The following MAST2 variants were observed in gnomAD, a reference collection of about 807,000 sequenced individuals.
MAST2 encodes microtubule associated serine/threonine kinase 2, also known as microtubule-associated serine/threonine-protein kinase 2.
MAST2 carries 70 observed loss-of-function variants against 147.4 expected under a neutral mutation model. That is an observed-to-expected ratio of 0.47 (90% CI 0.39 to 0.58). The LOEUF is 0.58. Ranked by LOEUF, MAST2 falls within the 20% of genes least tolerant of loss-of-function variation. The pLI is 0.00. For synonymous variants in MAST2, 869 were observed against 896.8 expected (o/e 0.97, Z 0.55); for missense variants, 2,080 against 2,302.3 (o/e 0.90, Z 1.98).
At chr1:45,924,395 A>G (rs1388571661) in intron 4 of MAST2, among the ~76,000 whole-genome samples, 1 of 152,164 alleles carries the variant, frequency 6.6e-6, no homozygotes, top group East Asian at 1.9e-4. Context: ...GATGAGAAAA[A>G]TGGTTCCAGT....
chr1:45,987,762 G>GTTTTTTTTTTTTTTTATTTTTTTTTTT (rs11462786), intron 5 of MAST2, among the ~76,000 whole-genome samples: 1 of 62,734 alleles, frequency 1.6e-5, no homozygotes, highest in African/African-American at 6.6e-5. Flanking sequence ...AGCATTTCTT[G>GTTTTTTTTTTTTTTTATTTTTTTTTTT]TTTTTTTTTT....
At position 46,023,057 on chromosome 1, in the gene MAST2, A is replaced by G; in HGVS notation, c.1485+86A>G. 3 of 1,374,006 alleles carry G rather than the reference A, an allele frequency of 2.2e-6. No individual in the cohort carries two copies. The highest frequency in any genetic ancestry group is 3.1e-6 in the Non-Finnish European group (3 of 967,258). 85.1% of individuals were successfully genotyped at this position (1,374,006 alleles called of 1,614,324 possible). ...TGAATTCTCTTTAAGAGAATATCTG[A>G]GGAAGGGATGGGGGAGTTGGTGACA... On this transcript the variant is annotated intron_variant, in intron 13 of 28. Coordinates refer to ENST00000361297, the MANE Select transcript of MAST2 (RefSeq NM_015112.3). This position sits in a 1 kb window ranked among gnomAD's most constrained non-coding sequence, Gnocchi z 4.9.
chr1:45,927,196 G>GATATCACA (rs1447735085), intron 4 of MAST2, among the ~76,000 whole-genome samples: 1 of 152,170 alleles, frequency 6.6e-6, no homozygotes, highest in Non-Finnish European at 1.5e-5. Context: ...AAGGCAAGTG[G>GATATCACA]AGGCAGGGCG....
At chr1:45,847,610 G>A (rs189474832) in intron 3 of MAST2, 19 of 739,122 alleles carry the variant, frequency 2.6e-5, no homozygotes, top group Non-Finnish European at 3.4e-5. Flanking sequence ...TTTAGGTATA[G>A]TGACGTCCTC....
chr1:45,885,375 G>A (rs980843636), intron 4 of MAST2, among the ~76,000 whole-genome samples: 1 of 152,094 alleles, frequency 6.6e-6, no homozygotes, highest in Non-Finnish European at 1.5e-5. Flanking sequence ...TTGAGAGAGC[G>A]TTTTTGTTAA....
intron 3 of MAST2, among the ~76,000 whole-genome samples, chr1:45,839,074 A>G (rs889835266): frequency 6.6e-6 from 1 of 150,972 alleles, no homozygotes; most frequent in African/African-American, 2.4e-5. Context: ...CCTGGGCTCC[A>G]GTGATCCTCC....
At chr1:45,911,953 G>A (rs1233836862) in intron 4 of MAST2, among the ~76,000 whole-genome samples, 1 of 150,528 alleles carries the variant, frequency 6.6e-6, no homozygotes, top group Non-Finnish European at 1.5e-5. Flanking sequence ...TAGAAACTTA[G>A]GATTCAGCCA....
chr1:45,829,594 A>G lies in MAST2; in HGVS notation c.468+13A>G. 6 of 1,605,394 alleles carry G rather than the reference A, an allele frequency of 3.7e-6. No homozygotes were observed. The South Asian group carries it at 5.6e-5, about 15-fold the overall frequency. On this transcript the variant is annotated intron_variant, in intron 3 of 28. Transcript: ENST00000361297. ...TACTGCTGGCCTGGTAAGTGTTCAT[A>G]AAGGTGGCATTTTGCTCTATGAAAA...
chr1:45,804,327 A>G (rs1339488159), intron 1 of MAST2, among the ~76,000 whole-genome samples: 2 of 152,124 alleles, frequency 1.3e-5, no homozygotes, highest in African/African-American at 4.8e-5. Flanking sequence ...GGATGGGGCG[A>G]AAGGACGCTG....
chr1:46,005,887 G>C (rs1645466590), intron 7 of MAST2, among the ~76,000 whole-genome samples: 1 of 152,158 alleles, frequency 6.6e-6, no homozygotes. Flanking sequence ...GATTGTGGAA[G>C]GGCGAACTTA....
At chr1:45,840,525 GT>G (rs1645241787) in intron 3 of MAST2, among the ~76,000 whole-genome samples, 1 of 152,080 alleles carries the variant, frequency 6.6e-6, no homozygotes, top group African/African-American at 2.4e-5. Flanking sequence ...TTAAGCCTCT[GT>G]TTTCTCATCT....
chr1:45,912,274 T>G (rs182601342), intron 4 of MAST2, among the ~76,000 whole-genome samples: 1 of 152,128 alleles, frequency 6.6e-6, no homozygotes, highest in Admixed American at 6.5e-5. Context: ...AGACTTTGAC[T>G]TCAATAACAA....
chr1:45,888,683 T>C (rs1647211369), intron 4 of MAST2, among the ~76,000 whole-genome samples: 1 of 62,316 alleles, frequency 1.6e-5, no homozygotes, highest in African/African-American at 7.3e-5. Context: ...TTTTTTTTTT[T>C]TTTTTTTTTT....
intron 6 of MAST2, among the ~76,000 whole-genome samples, chr1:46,002,425 T>TGG (rs1021773296): frequency 2.6e-5 from 4 of 152,210 alleles, no homozygotes; most frequent in Non-Finnish European, 5.9e-5. Flanking sequence ...CCTTCACAAA[T>TGG]GGAAATAGCT....
intron 3 of MAST2, among the ~76,000 whole-genome samples, chr1:45,875,960 G>T (rs1646588891): frequency 6.6e-6 from 1 of 152,120 alleles, no homozygotes; most frequent in Admixed American, 6.5e-5. Context: ...CCCATTTAAG[G>T]GTCTAAGGTG....
chr1:45,927,277 T>C (rs956242863), intron 4 of MAST2, among the ~76,000 whole-genome samples: 2 of 152,238 alleles, frequency 1.3e-5, no homozygotes, highest in Admixed American at 6.5e-5. Flanking sequence ...TTGTCATTGA[T>C]AACATCTTAT....
chr1:46,033,944 C>T lies in MAST2; in HGVS notation c.3674+6C>T. 1 of 1,613,858 alleles carries T rather than the reference C, an allele frequency of 6.2e-7. No individual in the cohort carries two copies. The highest frequency in any genetic ancestry group is 8.5e-7 in the Non-Finnish European group (1 of 1,179,804). Reference sequence around the variant, plus strand: ...GGCAAGGATGGGCAAGAAAGGTGAGCCAGGCGCAGTGAAGAGGGTTTTCTC... The same window carrying T: ...GGCAAGGATGGGCAAGAAAGGTGAGTCAGGCGCAGTGAAGAGGGTTTTCTC... On this transcript the variant is annotated splice_donor_region_variant and intron_variant, in intron 27 of 28. Transcript: ENST00000361297.
intron 5 of MAST2, among the ~76,000 whole-genome samples, chr1:45,984,779 G>T (rs1389325049): frequency 3.9e-5 from 6 of 152,088 alleles, no homozygotes; most frequent in Non-Finnish European, 5.9e-5. Context: ...CTTGAGCCCA[G>T]GAGTTCAAGA....
rs1646798589 is a variant in MAST2, at chr1:46,034,157, C to A, written c.3759C>A (p.Arg1253=). The part of the protein sequence containing the change: ...HTSRSLSSLN[R]SLSSGESGPG... ...GCCGCAGCCTTTCTTCCCTTAACCG[C>A]TCCTTGTCATCAGGGGAGAGTGGGC... is the stretch of plus-strand genomic sequence containing the variant. Residue 1253 remains arginine (R), a synonymous_variant, in exon 28 of 29, where the codon CGC becomes CGA. Transcript: ENST00000361297. 6.2e-7 allele frequency: 1 copy of A among 1,614,092 alleles called. No homozygotes were observed. Among genetic ancestry groups the A allele is most frequent in the African/African-American group, 1.3e-5 (1 of 74,924 alleles).
Sources: gnomAD v4.1 joint callset for allele counts (sites outside exome capture counted in the v4.1 genomes callset) on GRCh38, gnomAD v4.1.1 for gene constraint, Gnocchi (gnomAD v3.1) non-coding constraint, MANE v1.5 for transcripts, NCBI Gene and HGNC (gene_info 2026-07-23, HGNC 2026-07-21) for gene names.